NUP210: variants seen among roughly 807,000 people sequenced by gnomAD.
NUP210 encodes nuclear pore membrane glycoprotein 210.
NUP210 carries 151 observed loss-of-function variants against 196.0 expected under a neutral mutation model. The observed-to-expected ratio is 0.77, with a 90% CI of 0.67 to 0.88. NUP210 has a LOEUF of 0.88. NUP210 is among the 40% of genes least tolerant of loss of function. The pLI is 0.00. For synonymous variants in NUP210, 1,070 were observed against 1,052.7 expected (o/e 1.02, Z -0.32); for missense variants, 2,314 against 2,493.7 (o/e 0.93, Z 1.53).
chr3:13,322,562 A>G (rs1236274854), intron 34 of NUP210, among the ~76,000 whole-genome samples: 2 of 152,254 alleles, frequency 1.3e-5, no homozygotes, highest in African/African-American at 4.8e-5. Context: ...GGGAGCTTCA[A>G]GTCAGAATTT....
intron 20 of NUP210, among the ~76,000 whole-genome samples, chr3:13,345,992 C>A (rs558255667): frequency 1.3e-5 from 2 of 152,222 alleles, no homozygotes; most frequent in Non-Finnish European, 2.9e-5. Flanking sequence ...CGGAGCCCCA[C>A]GCAGGGCAAC....
Position 13,375,613 on chromosome 3 carries a change from G to A in NUP210, c.1322C>T (p.Pro441Leu). ...QDGGVHILQVPVWNQQEVEIH... is the reference protein window; with the variant it reads ...QDGGVHILQVLVWNQQEVEIH... ...TTCCACCTCCTGCTGGTTCCACACA[G>A]GCACCTGTAGTATGTGGACCCCTCC... Residue 441 changes from proline (P) to leucine (L), a missense_variant, in exon 11 of 40, where the codon CCT (proline) becomes CTT (leucine). By Grantham distance (98) the Pro-to-Leu change is moderately conservative (BLOSUM62 -3). Transcript: ENST00000254508. 1 of 1,614,002 alleles carries A rather than the reference G, an allele frequency of 6.2e-7. No individual in the cohort carries two copies. Among genetic ancestry groups the A allele is most frequent in the African/African-American group, 1.3e-5 (1 of 75,036 alleles).
At chr3:13,364,679 T>A (rs1698472337) in intron 14 of NUP210, among the ~76,000 whole-genome samples, 1 of 151,880 alleles carries the variant, frequency 6.6e-6, no homozygotes, top group Non-Finnish European at 1.5e-5. Flanking sequence ...AAATACAAAA[T>A]TAGCCGGGGA....
intron 28 of NUP210, among the ~76,000 whole-genome samples, chr3:13,334,648 G>A (rs1269989436): frequency 6.6e-6 from 1 of 152,168 alleles, no homozygotes; most frequent in African/African-American, 2.4e-5. Flanking sequence ...AGCACCCAGG[G>A]GTTACTGAGG....
At position 13,360,186 on chromosome 3, in the gene NUP210, A is replaced by G. The variant is rs939812075; in HGVS notation, c.2154+84T>C. On this transcript the variant is annotated intron_variant, in intron 15 of 39. Coordinates refer to ENST00000254508, the MANE Select transcript of NUP210 (RefSeq NM_024923.4). ...AGTGGCTGTCTCTCAGCGTTACTCCAAGGAGTAAATAAAACAATACTGAGA... is the reference window on the plus strand; with the variant it reads ...AGTGGCTGTCTCTCAGCGTTACTCCGAGGAGTAAATAAAACAATACTGAGA... The G allele has an allele frequency of 1.3e-5, 15 of 1,160,112 alleles. No individual in the cohort carries two copies. In the African/African-American group the frequency reaches 2.3e-4, roughly 18 times the overall value. 71.9% of individuals were successfully genotyped at this position (1,160,112 alleles called of 1,614,324 possible).
rs778197381 is a variant in NUP210, at chr3:13,375,499, C to T, written c.1431+5G>A. Reference sequence around the variant, plus strand: ...ATGCACGCAGAGGTGAGGGGTCTCACGTACCCTTATTGTGTACTGATAGGC... The same window carrying T: ...ATGCACGCAGAGGTGAGGGGTCTCATGTACCCTTATTGTGTACTGATAGGC... On this transcript the variant is annotated splice_donor_5th_base_variant and intron_variant, in intron 11 of 39. Transcript: ENST00000254508. The T allele has an allele frequency of 5.0e-6, 8 of 1,613,510 alleles. No homozygotes were observed. The highest frequency in any genetic ancestry group is 1.3e-5 in the African/African-American group (1 of 75,032).
intron 36 of NUP210, among the ~76,000 whole-genome samples, chr3:13,321,299 C>G (rs569691216): frequency 6.6e-6 from 1 of 152,350 alleles, no homozygotes. Flanking sequence ...ACGCACCACA[C>G]GCTCACTGGC....
At chr3:13,367,607 G>GC (rs1446159638) in intron 13 of NUP210, among the ~76,000 whole-genome samples, 1 of 151,824 alleles carries the variant, frequency 6.6e-6, no homozygotes, top group African/African-American at 2.4e-5. Context: ...AAGGAAAACC[G>GC]CCCCCCTGGC....
intron 13 of NUP210, among the ~76,000 whole-genome samples, chr3:13,371,162 C>T (rs1243342110): frequency 6.6e-6 from 1 of 152,202 alleles, no homozygotes; most frequent in African/African-American, 2.4e-5. Flanking sequence ...CTTTAAGGCC[C>T]GTTTCACAGG....
chr3:13,394,567 G>A (rs146425445), intron 3 of NUP210, among the ~76,000 whole-genome samples: 1 of 152,228 alleles, frequency 6.6e-6, no homozygotes, highest in Admixed American at 6.5e-5. Flanking sequence ...CTGGATCCCA[G>A]GCCCTGCTCA....
At chr3:13,355,924 A>G (rs1450252557) in intron 16 of NUP210, among the ~76,000 whole-genome samples, 1 of 152,216 alleles carries the variant, frequency 6.6e-6, no homozygotes, top group African/African-American at 2.4e-5. Context: ...TAAGCCCCAT[A>G]TTACAAACAG....
Position 13,407,935 on chromosome 3 carries a change from C to T in NUP210, c.168-8074G>A, listed in dbSNP as rs185376863. Among the ~76,000 whole-genome samples, 821 of 152,202 alleles carry T rather than the reference C, an allele frequency of 5.4e-3. 9 individuals are homozygous for T. The highest frequency in any genetic ancestry group is 5.3e-3 in the Non-Finnish European group (363 of 68,010). On this transcript the variant is annotated intron_variant, in intron 1 of 39. Coordinates refer to ENST00000254508, the MANE Select transcript of NUP210 (RefSeq NM_024923.4). ...TTAGTGGAAGGAGAACAAAAACAGA[C>T]AAAATGAGTGAATGAAGATGGGATC...
Position 13,420,107 on chromosome 3 carries a change from G to T in NUP210, c.120C>A (p.Ala40=). ...CCTCCAGCGTGAAGTTAACGCGCGT[G>T]GCCCGCGTGAAGGGCAGCAGCACTT... ...IPKVLLPFTR[A]TRVNFTLEAS... is the part of the protein sequence containing the mutation. Residue 40 remains alanine (A), a synonymous_variant, in exon 1 of 40, where the codon GCC becomes GCA. Transcript: ENST00000254508. This position sits in a 1 kb window ranked among gnomAD's most constrained non-coding sequence, Gnocchi z 4.8. The T allele has an allele frequency of 7.2e-7, 1 of 1,382,872 alleles. No homozygotes were observed. The highest frequency in any genetic ancestry group is 1.5e-5 in the African/African-American group (1 of 66,112). 85.7% of individuals were successfully genotyped at this position (1,382,872 alleles called of 1,614,324 possible).
Position 13,375,594 on chromosome 3 carries a change from C to T in NUP210, c.1341G>A (p.Glu447=). The T allele has an allele frequency of 6.2e-7, 1 of 1,614,092 alleles. No individual in the cohort carries two copies. The highest frequency in any genetic ancestry group is 8.5e-7 in the Non-Finnish European group (1 of 1,179,998). The change falls in exon 11 of 40, where the codon GAG becomes GAA. Residue 447 remains glutamate (E), a synonymous_variant. Coordinates refer to ENST00000254508, the MANE Select transcript of NUP210 (RefSeq NM_024923.4). ...ILQVPVWNQQ[E]VEIHIPITLY... ...GGGTGATCGGGATGTGAATTTCCAC[C>T]TCCTGCTGGTTCCACACAGGCACCT... is the stretch of plus-strand genomic sequence containing the variant.
chr3:13,390,622 A>C, intron 4 of NUP210, among the ~76,000 whole-genome samples: 1 of 151,854 alleles, frequency 6.6e-6, no homozygotes, highest in Non-Finnish European at 1.5e-5. Flanking sequence ...CTGAGTTCAG[A>C]CTCCAGCTCT....
intron 13 of NUP210, among the ~76,000 whole-genome samples, chr3:13,370,799 T>C (rs899942101): frequency 2.0e-5 from 3 of 152,210 alleles, no homozygotes; most frequent in African/African-American, 7.2e-5. Context: ...GCACAGCCAC[T>C]TGGCACCACA....
At chr3:13,343,332 TGG>T in intron 20 of NUP210, 29 bp from the exon 21 acceptor site, 1 of 214,662 alleles carries the variant, frequency 4.7e-6, no homozygotes, top group Admixed American at 6.2e-5. Flanking sequence ...GGTGGAGGGG[TGG>T]GTGGTGGGTT....
chr3:13,402,651 C>T (rs1699877063), intron 1 of NUP210, among the ~76,000 whole-genome samples: 1 of 152,066 alleles, frequency 6.6e-6, no homozygotes, highest in Non-Finnish European at 1.5e-5. Flanking sequence ...CTCATACAAG[C>T]CTGAGATAGC....
At chr3:13,404,709 CTG>C (rs1206702171) in intron 1 of NUP210, among the ~76,000 whole-genome samples, 1 of 152,206 alleles carries the variant, frequency 6.6e-6, no homozygotes, top group African/African-American at 2.4e-5. Context: ...CTCCGAAGGG[CTG>C]TCTCTGCCCC....
Sources: gnomAD v4.1 joint callset for allele counts (sites outside exome capture counted in the v4.1 genomes callset) on GRCh38, gnomAD v4.1.1 for gene constraint, Gnocchi (gnomAD v3.1) non-coding constraint, MANE v1.5 for transcripts, NCBI Gene and HGNC (gene_info 2026-07-23, HGNC 2026-07-21) for gene names.